The following TRABD2B variants were observed in gnomAD, a reference collection of about 807,000 sequenced individuals.
TRABD2B encodes TraB domain containing 2B.
Under a neutral mutation model 40.1 loss-of-function variants are expected in TRABD2B, and 14 were observed. That is an observed-to-expected ratio of 0.35 (90% confidence interval 0.23 to 0.55). The LOEUF is 0.55. TRABD2B is among the 20% of genes least tolerant of loss of function. The probability of loss-of-function intolerance (pLI) is 0.90; values close to 1 mark genes in which losing one functional copy is unlikely to be tolerated. For missense variants in TRABD2B, 541 were observed against 648.6 expected, an observed-to-expected ratio of 0.83 and a Z score of 1.80; for synonymous variants, 263 against 277.0, an observed-to-expected ratio of 0.95 and a Z score of 0.50.
At chr1:47,937,274 TACCATCATGATCATGACCATCACCACC>T (rs1645123986) in intron 2 of TRABD2B, among the ~76,000 whole-genome samples, 2 of 98,962 alleles carry the variant, frequency 2.0e-5, no homozygotes, top group Non-Finnish European at 4.2e-5. Flanking sequence ...TCATCACCAC[TACCATCATGATCATGACCATCACCACC>T]ACCATCATGA....
chr1:47,851,763 T>C (rs1645552186), intron 2 of TRABD2B, among the ~76,000 whole-genome samples: 1 of 152,214 alleles, frequency 6.6e-6, no homozygotes, highest in African/African-American at 2.4e-5. Flanking sequence ...GTACTAGACA[T>C]GAGCAAATCG....
intron 2 of TRABD2B, among the ~76,000 whole-genome samples, chr1:47,848,435 C>T (rs998553504): frequency 6.6e-6 from 1 of 152,160 alleles, no homozygotes; most frequent in Non-Finnish European, 1.5e-5. Flanking sequence ...GTGGGCAGAA[C>T]TAGACCCTGC....
chr1:47,837,180 T>G (rs926173875), intron 2 of TRABD2B, among the ~76,000 whole-genome samples: 2 of 152,162 alleles, frequency 1.3e-5, no homozygotes, highest in African/African-American at 4.8e-5. Flanking sequence ...CAGTTGCTGG[T>G]GGGATCCAAC....
At chr1:47,908,368 T>C (rs1644706563) in intron 2 of TRABD2B, among the ~76,000 whole-genome samples, 1 of 152,194 alleles carries the variant, frequency 6.6e-6, no homozygotes, top group Non-Finnish European at 1.5e-5. Context: ...AAAAGAGGAT[T>C]TTTAAAAAGA....
intron 2 of TRABD2B, among the ~76,000 whole-genome samples, chr1:47,897,265 G>A (rs1644535418): frequency 6.6e-6 from 1 of 152,164 alleles, no homozygotes; most frequent in Non-Finnish European, 1.5e-5. Flanking sequence ...CCCAGAAACA[G>A]CAAGGAAGAC....
At chr1:47,906,142 G>A (rs1458552536) in intron 2 of TRABD2B, among the ~76,000 whole-genome samples, 5 of 152,182 alleles carry the variant, frequency 3.3e-5, no homozygotes, top group Non-Finnish European at 7.3e-5. Flanking sequence ...CACTTCAATG[G>A]CCCTCCTGTG....
intron 2 of TRABD2B, among the ~76,000 whole-genome samples, chr1:47,993,711 T>G (rs893578505): frequency 2.0e-5 from 3 of 152,160 alleles, no homozygotes; most frequent in Non-Finnish European, 4.4e-5. Flanking sequence ...CCTCTTTTTG[T>G]TTTTGATCAC....
intron 2 of TRABD2B, among the ~76,000 whole-genome samples, chr1:47,881,206 T>C (rs1184215176): frequency 6.6e-6 from 1 of 152,108 alleles, no homozygotes; most frequent in Non-Finnish European, 1.5e-5. Context: ...CCCGGGAGTG[T>C]GTGTGTAAGC....
Position 47,832,943 on chromosome 1 carries a change from T to C in TRABD2B, c.667-31324A>G, listed in dbSNP as rs566088845. Among the ~76,000 whole-genome samples the C allele has an allele frequency of 3.3e-5, 5 of 152,304 alleles. No homozygotes were observed. In the East Asian group the frequency reaches 7.7e-4, roughly 24 times the overall value. ...ACCCTCCACCTGGCTGTCACAGTCA[T>C]AGGCTCCTAGTCTCAGAGGGTCCTT... is the stretch of plus-strand genomic sequence containing the variant. On this transcript the variant is annotated intron_variant, in intron 2 of 6. Transcript: ENST00000606738.
intron 2 of TRABD2B, among the ~76,000 whole-genome samples, chr1:47,992,142 G>A (rs1646021317): frequency 6.6e-6 from 1 of 152,176 alleles, no homozygotes; most frequent in Non-Finnish European, 1.5e-5. Flanking sequence ...TGAGGAGCTG[G>A]ACCAAAGAAC....
At chr1:47,800,551 T>C (rs570673328) in intron 3 of TRABD2B, among the ~76,000 whole-genome samples, 5 of 152,308 alleles carry the variant, frequency 3.3e-5, no homozygotes, top group Admixed American at 3.3e-4. Context: ...CAGGCCACTG[T>C]AGAGACTCTG....
At chr1:47,951,420 A>G (rs113916824) in intron 2 of TRABD2B, among the ~76,000 whole-genome samples, 2 of 152,178 alleles carry the variant, frequency 1.3e-5, no homozygotes, top group African/African-American at 4.8e-5. Context: ...GTGAGCTCAG[A>G]GCACTGGAGC....
rs185819227 is a variant in TRABD2B at position 47,801,402 on chromosome 1, T to C, written c.813+71A>G. The stretch of plus-strand genomic sequence containing the variant: ...CTTCTTGCCATGGCTGGAGAGAAGA[T>C]TACCTATGCCTGGCACGTCATAGGG... On this transcript the variant is annotated intron_variant, in intron 3 of 6. Coordinates refer to ENST00000606738, the MANE Select transcript of TRABD2B (RefSeq NM_001194986.2). The C allele has an allele frequency of 1.4e-3, 1,978 of 1,443,362 alleles. 14 individuals carry two copies. In the African/African-American group the frequency reaches 0.017, roughly 13 times the overall value. The allele number at this position is 1,443,362 out of a possible 1,614,324, so 89.4% of individuals were successfully genotyped here.
At position 47,828,252 on chromosome 1, in the gene TRABD2B, C is replaced by T. The variant is rs111859955; in HGVS notation, c.667-26633G>A. Among the ~76,000 whole-genome samples the T allele has an allele frequency of 6.2e-4, 94 of 152,296 alleles. 4 individuals carry two copies. Among genetic ancestry groups the T allele is most frequent in the African/African-American group, 2.2e-3 (90 of 41,572 alleles). On this transcript the variant is annotated intron_variant, in intron 2 of 6. Coordinates refer to ENST00000606738, the MANE Select transcript of TRABD2B (RefSeq NM_001194986.2). ...CCCCCATGGGCAGCACTGTCCCCCT[C>T]GCTGGCTGGTCCTTGGAATTCTGAA...
At chr1:47,971,016 AG>A (rs776206188) in intron 2 of TRABD2B, among the ~76,000 whole-genome samples, 4 of 152,232 alleles carry the variant, frequency 2.6e-5, no homozygotes, top group African/African-American at 4.8e-5. Context: ...GGCTGGGGGA[AG>A]GAAGAGGCAG....
At chr1:47,914,367 C>A (rs1570276237) in intron 2 of TRABD2B, among the ~76,000 whole-genome samples, 1 of 152,246 alleles carries the variant, frequency 6.6e-6, no homozygotes, top group East Asian at 1.9e-4. Flanking sequence ...GTTTCCTCCC[C>A]CTCAGCTATT....
intron 4 of TRABD2B, among the ~76,000 whole-genome samples, chr1:47,782,413 CAG>C (rs776517642): frequency 4.6e-5 from 7 of 152,158 alleles, no homozygotes; most frequent in Non-Finnish European, 1.0e-4. Flanking sequence ...CTGACTTTGT[CAG>C]AACGTGCTCC....
chr1:47,874,261 T>TTTTTG (rs1410573808), intron 2 of TRABD2B, among the ~76,000 whole-genome samples: 1 of 133,754 alleles, frequency 7.5e-6, no homozygotes, highest in Non-Finnish European at 1.6e-5. Flanking sequence ...AATTTTTTTT[T>TTTTTG]TTTTTTTTTT....
chr1:47,984,483 A>G (rs1645889805), intron 2 of TRABD2B, among the ~76,000 whole-genome samples: 1 of 152,242 alleles, frequency 6.6e-6, no homozygotes, highest in Non-Finnish European at 1.5e-5. Context: ...TGAAATGGGC[A>G]CAGTCATGCA....
Sources: gnomAD v4.1 joint callset for allele counts (sites outside exome capture counted in the v4.1 genomes callset) on GRCh38, gnomAD v4.1.1 for gene constraint, MANE v1.5 for transcripts, NCBI Gene and HGNC (gene_info 2026-07-23, HGNC 2026-07-21) for gene names.